Variants in KIAA0586 observed in about 807,000 individuals in gnomAD.
KIAA0586 encodes the protein KIAA0586.
A neutral mutation model predicts 169.8 loss-of-function variants in KIAA0586; 144 were observed. That is an observed-to-expected ratio of 0.85 (90% CI 0.74 to 0.97). The LOEUF (loss-of-function observed/expected upper bound fraction) is 0.97, where lower values mean the gene tolerates loss of function less well. KIAA0586 is among the 50% of genes least tolerant of loss of function. The probability of loss-of-function intolerance (pLI) is 0.00; values close to 1 mark genes in which losing one functional copy is unlikely to be tolerated. For missense variants in KIAA0586, 1,854 were observed against 1,823.0 expected (o/e 1.02, Z -0.31); for synonymous variants, 625 against 612.4 (o/e 1.02, Z -0.30).
chr14:58,469,882 ATAT>A (rs1337062828), intron 16 of KIAA0586, among the ~76,000 whole-genome samples: 4 of 152,316 alleles, frequency 2.6e-5, no homozygotes, highest in East Asian at 1.9e-4. Context: ...TGAAACAATC[ATAT>A]TATCTAATTT....
At chr14:58,526,501 A>T (rs560829355) in intron 29 of KIAA0586, among the ~76,000 whole-genome samples, 1 of 152,210 alleles carries the variant, frequency 6.6e-6, no homozygotes, top group Non-Finnish European at 1.5e-5. Flanking sequence ...ACAGAAAGGA[A>T]TAGCATCAAC....
intron 6 of KIAA0586, among the ~76,000 whole-genome samples, chr14:58,445,730 G>A (rs889493572): frequency 6.7e-5 from 10 of 148,676 alleles, no homozygotes; most frequent in Non-Finnish European, 1.2e-4. Flanking sequence ...CACTGTGCTC[G>A]GCCTATTTTG....
intron 29 of KIAA0586, chr14:58,521,296 C>T (rs2045208061): frequency 1.8e-6 from 2 of 1,140,844 alleles, no homozygotes; most frequent in South Asian, 1.2e-5. Context: ...AATCTCAACA[C>T]TCTTGTGCTC....
chr14:58,556,445 A>C, the KIAA0586 span, among the ~76,000 whole-genome samples: 2 of 152,244 alleles, frequency 1.3e-5, no homozygotes, highest in Non-Finnish European at 2.9e-5. Flanking sequence ...GTGAAGTACT[A>C]ATCTAGTGGA....
intron 27 of KIAA0586, among the ~76,000 whole-genome samples, chr14:58,499,493 C>A (rs1163726580): frequency 6.6e-6 from 1 of 151,880 alleles, no homozygotes; most frequent in Non-Finnish European, 1.5e-5. Context: ...ACCTCGTGAT[C>A]CGCCCTCCAT....
At chr14:58,466,151 A>G (rs1856937940) in intron 15 of KIAA0586, 122 bp downstream of exon 15, 1 of 667,650 alleles carries the variant, frequency 1.5e-6, no homozygotes, top group Non-Finnish European at 2.5e-6. Context: ...CCTGGACTCA[A>G]GCAGTCCACC....
Position 58,492,228 on chromosome 14 carries a change from CA to C in KIAA0586, c.3947del (p.Asn1316ThrfsTer32). Reference sequence around the variant, plus strand: ...AGATGCAATTCTTTCTTTTGCTAAACAAAACCAGGAGTCAGCAGTTTCCCAG... The same window carrying C: ...AGATGCAATTCTTTCTTTTGCTAAACAAACCAGGAGTCAGCAGTTTCCCAG... Reference protein sequence around the residue: ...HADAILSFAKQNQESAVSQQA... With the variant: ...HADAILSFAKXNQESAVSQQA... On this transcript the variant is annotated frameshift_variant, in exon 26 of 31. Coordinates refer to ENST00000652326, the MANE Select transcript of KIAA0586 (RefSeq NM_001329943.3). LOFTEE classifies it high-confidence loss of function. 2 of 1,551,148 alleles carry C rather than the reference CA, an allele frequency of 1.3e-6. No homozygotes were observed. Among genetic ancestry groups the C allele is most frequent in the South Asian group, 2.4e-5 (2 of 83,874 alleles).
intron 8 of KIAA0586, among the ~76,000 whole-genome samples, chr14:58,451,246 G>C (rs1377029434): frequency 6.6e-6 from 1 of 151,946 alleles, no homozygotes; most frequent in Non-Finnish European, 1.5e-5. Context: ...TTTTTTATGA[G>C]ACAAGGTCTC....
In KIAA0586 at chr14:58,522,195, T is replaced by C. The variant is rs566189407; in HGVS notation, c.4429+9568T>C. ...ACCTCCTTTGATGCCCTAGTAGTTT[T>C]GTTAAGTCTTACCTTGTAATTTTTG... On this transcript the variant is annotated intron_variant, in intron 29 of 30. Transcript: ENST00000652326. Among the ~76,000 whole-genome samples the C allele has an allele frequency of 1.3e-4, 20 of 152,316 alleles. No homozygotes were observed. The South Asian group carries it at 1.7e-3, about 13-fold the overall frequency.
chr14:58,434,328 A>C (rs1223375872), intron 4 of KIAA0586, among the ~76,000 whole-genome samples: 1 of 152,216 alleles, frequency 6.6e-6, no homozygotes, highest in Non-Finnish European at 1.5e-5. Context: ...AAAAATAACC[A>C]TATAACTAAG....
chr14:58,525,485 G>T (rs2045519054), intron 29 of KIAA0586, among the ~76,000 whole-genome samples: 1 of 152,102 alleles, frequency 6.6e-6, no homozygotes, highest in Admixed American at 6.5e-5. Context: ...CTAGCCAAGT[G>T]AATCCATGAG....
At chr14:58,484,190 T>C (rs1212191416) in intron 21 of KIAA0586, among the ~76,000 whole-genome samples, 2 of 152,162 alleles carry the variant, frequency 1.3e-5, no homozygotes, top group African/African-American at 4.8e-5. Context: ...GATAGAATAC[T>C]TAGTTTAAAT....
rs930091715 is a variant in KIAA0586, at chr14:58,478,514, T to G, written c.2944+1273T>G. Among the ~76,000 whole-genome samples the G allele has an allele frequency of 1.6e-4, 25 of 152,182 alleles. 1 individual carries two copies. The highest frequency in any genetic ancestry group is 5.8e-4 in the African/African-American group (24 of 41,520). The stretch of plus-strand genomic sequence containing the variant: ...TCAATCAATCAGTCAATCAATTTGG[T>G]AGAGATGGGGTCTTGCTATATTGCC... On this transcript the variant is annotated intron_variant, in intron 20 of 30. Coordinates refer to ENST00000652326, the MANE Select transcript of KIAA0586 (RefSeq NM_001329943.3).
At chr14:58,480,488 G>C (rs1380589553) in intron 20 of KIAA0586, among the ~76,000 whole-genome samples, 1 of 151,728 alleles carries the variant, frequency 6.6e-6, no homozygotes, top group Non-Finnish European at 1.5e-5. Flanking sequence ...TAGTTATCCT[G>C]TGTCAGTTGA....
intron 27 of KIAA0586, among the ~76,000 whole-genome samples, chr14:58,504,647 T>G (rs2043807101): frequency 6.6e-6 from 1 of 152,186 alleles, no homozygotes; most frequent in African/African-American, 2.4e-5. Context: ...TTAATTAAAT[T>G]AAATTTGACT....
In KIAA0586 at chr14:58,548,360, A is replaced by G. The variant is rs145442381; in HGVS notation, c.*428A>G. The G allele has an allele frequency of 2.0e-5, 3 of 153,404 alleles. No individual in the cohort carries two copies. The East Asian group carries it at 5.7e-4, about 29-fold the overall frequency. 9.5% of individuals were successfully genotyped at this position (153,404 alleles called of 1,614,324 possible). On this transcript the variant is annotated 3_prime_UTR_variant, in exon 31 of 31. Coordinates refer to ENST00000652326, the MANE Select transcript of KIAA0586 (RefSeq NM_001329943.3). ...TGGTACATCAGTACAATGGAATACTATGTATTACAAAAAAAAATTTAAAAA... is the reference window on the plus strand; with the variant it reads ...TGGTACATCAGTACAATGGAATACTGTGTATTACAAAAAAAAATTTAAAAA...
rs529565149 is a variant in KIAA0586 at position 58,538,926 on chromosome 14, C to T, written c.4430-1145C>T. Among the ~76,000 whole-genome samples, 27 of 152,146 alleles carry T rather than the reference C, an allele frequency of 1.8e-4. No homozygotes were observed. In the South Asian group the frequency reaches 2.7e-3, roughly 15 times the overall value. ...TCCCAAGTAGCTGGGTCTACGGGCGCGAGCCACCACACCTGGCTACTTTTT... is the reference window on the plus strand; with the variant it reads ...TCCCAAGTAGCTGGGTCTACGGGCGTGAGCCACCACACCTGGCTACTTTTT... On this transcript the variant is annotated intron_variant, in intron 29 of 30. Coordinates refer to ENST00000652326, the MANE Select transcript of KIAA0586 (RefSeq NM_001329943.3).
chr14:58,427,599 G>C (rs1052727613), upstream of KIAA0586: 3 of 1,535,542 alleles, frequency 2.0e-6, no homozygotes, highest in African/African-American at 4.1e-5. Flanking sequence ...GAATGGAAGA[G>C]CACCAGAGAG....
rs190720249 is a variant in KIAA0586, at chr14:58,434,749, C to T, written c.410+2292C>T. On this transcript the variant is annotated intron_variant, in intron 4 of 30. Transcript: ENST00000652326. ...TATGCACCAGCCACTGTCCTCTGCA[C>T]TTCTTTATTTTTGTTTTACTTTCTG... Among the ~76,000 whole-genome samples the T allele has an allele frequency of 5.3e-5, 8 of 152,256 alleles. 1 individual carries two copies. The South Asian group carries it at 6.2e-4, about 12-fold the overall frequency.
Sources: allele counts gnomAD v4.1 joint callset (sites outside exome capture counted in the v4.1 genomes callset), GRCh38; gene constraint gnomAD v4.1.1; transcripts MANE v1.5; gene names NCBI Gene and HGNC (gene_info 2026-07-23, HGNC 2026-07-21).